COL21A1: variants seen among roughly 807,000 people sequenced by gnomAD.
The protein encoded by COL21A1 is collagen alpha-1(XXI) chain.
Under a neutral mutation model 137.9 loss-of-function variants are expected in COL21A1, and 149 were observed. The observed-to-expected ratio is 1.08, with a 90% CI of 0.95 to 1.24. COL21A1 has a LOEUF of 1.24. Ranked by LOEUF, COL21A1 falls within the 50% of genes most tolerant of loss-of-function variation. The probability of loss-of-function intolerance (pLI) is 0.00; values close to 1 mark genes in which losing one functional copy is unlikely to be tolerated. For missense variants in COL21A1, 1,167 were observed against 1,158.4 expected, an observed-to-expected ratio of 1.01 and a Z score of -0.11; for synonymous variants, 456 against 391.5, an observed-to-expected ratio of 1.16 and a Z score of -1.95.
chr6:56,099,560 C>A (rs948396093), intron 17 of COL21A1, among the ~76,000 whole-genome samples: 4 of 151,838 alleles, frequency 2.6e-5, no homozygotes, highest in African/African-American at 9.7e-5. Flanking sequence ...TATATCCAAG[C>A]TCTCATGTCT....
intron 17 of COL21A1, among the ~76,000 whole-genome samples, chr6:56,084,905 C>T (rs1385143987): frequency 6.6e-6 from 1 of 152,048 alleles, no homozygotes; most frequent in Non-Finnish European, 1.5e-5. Flanking sequence ...CTGTGTAACA[C>T]ATTTGCTAAG....
At chr6:56,153,263 G>T (rs1416544010) in intron 10 of COL21A1, among the ~76,000 whole-genome samples, 1 of 151,964 alleles carries the variant, frequency 6.6e-6, no homozygotes, top group Non-Finnish European at 1.5e-5. Flanking sequence ...AGCCTACTTA[G>T]CTATTTCAGT....
intron 1 of COL21A1, among the ~76,000 whole-genome samples, chr6:56,386,550 G>T (rs554522803): frequency 2.0e-5 from 3 of 151,902 alleles, no homozygotes; most frequent in Non-Finnish European, 4.4e-5. Context: ...CTACCAACAA[G>T]GTATGAGGGT....
At chr6:56,165,430 C>CA (rs1204298678) in intron 7 of COL21A1, among the ~76,000 whole-genome samples, 1 of 152,124 alleles carries the variant, frequency 6.6e-6, no homozygotes, top group African/African-American at 2.4e-5. Flanking sequence ...AGGGAGAATT[C>CA]AAAATCAGCT....
intron 9 of COL21A1, among the ~76,000 whole-genome samples, chr6:56,162,234 TGGATGGAA>T (rs1195843521): frequency 2.6e-5 from 4 of 152,158 alleles, no homozygotes; most frequent in Admixed American, 2.6e-4. Context: ...GAGTCCTAAA[TGGATGGAA>T]GAGTGTGTGT....
intron 1 of COL21A1, among the ~76,000 whole-genome samples, chr6:56,342,096 T>C (rs1765484615): frequency 6.6e-6 from 1 of 152,216 alleles, no homozygotes; most frequent in Non-Finnish European, 1.5e-5. Context: ...ACAAAGTTTG[T>C]ATTTGGTGCT....
chr6:56,146,298 G>A (rs558947239), intron 10 of COL21A1, among the ~76,000 whole-genome samples: 6 of 152,084 alleles, frequency 3.9e-5, no homozygotes, highest in East Asian at 1.9e-4. Flanking sequence ...CACAGCCAAC[G>A]TAACTAGGTA....
At chr6:56,102,565 G>C (rs762066482) in intron 16 of COL21A1, among the ~76,000 whole-genome samples, 32 of 152,148 alleles carry the variant, frequency 2.1e-4, no homozygotes, top group Non-Finnish European at 2.4e-4. Context: ...AAGGGAGAAA[G>C]AGTCTAAGAA....
rs145565993 is a variant in COL21A1, at chr6:56,096,927, T to C, written c.1812+4545A>G. On this transcript the variant is annotated intron_variant, in intron 17 of 29. Coordinates refer to ENST00000244728, the MANE Select transcript of COL21A1 (RefSeq NM_030820.4). ...TGTGTCACAAAATATATAAACTTTA[T>C]GGATTTTTTTTCTATTTTCAAAGCT... Among the ~76,000 whole-genome samples, 3 of 152,320 alleles carry C rather than the reference T, an allele frequency of 2.0e-5. No homozygotes were observed. In the East Asian group the frequency reaches 5.8e-4, roughly 29 times the overall value.
chr6:56,242,445 G>A (rs1187595736), intron 1 of COL21A1, among the ~76,000 whole-genome samples: 2 of 151,842 alleles, frequency 1.3e-5, no homozygotes, highest in African/African-American at 4.8e-5. Flanking sequence ...TTTTCTTCTC[G>A]ACACCAATGA....
chr6:56,059,204 A>G lies in COL21A1; in HGVS notation c.2647T>C (p.Phe883Leu). Reference sequence around the variant, plus strand: ...GGACCTTGTTCTCCAGGATACCCAAACCCTTGGCTCCCTTTTTCCCCATTT... The same window carrying G: ...GGACCTTGTTCTCCAGGATACCCAAGCCCTTGGCTCCCTTTTTCCCCATTT... ...GRNGEKGSQG[F>L]GYPGEQGPPG... The change falls in exon 29 of 30, where the codon TTT (phenylalanine) becomes CTT (leucine). Residue 883 changes from phenylalanine to leucine, a missense_variant. By Grantham distance (22) the Phe-to-Leu change is conservative. Transcript: ENST00000244728. The G allele has an allele frequency of 6.2e-7, 1 of 1,610,164 alleles. No individual in the cohort carries two copies. Among genetic ancestry groups the G allele is most frequent in the Middle Eastern group, 1.7e-4 (1 of 6,034 alleles).
intron 1 of COL21A1, among the ~76,000 whole-genome samples, chr6:56,291,118 T>C (rs1270986985): frequency 6.6e-6 from 1 of 152,200 alleles, no homozygotes; most frequent in Non-Finnish European, 1.5e-5. Context: ...AGCAGTTATC[T>C]GAACAGTGAG....
intron 17 of COL21A1, among the ~76,000 whole-genome samples, chr6:56,097,876 AAT>A (rs1562188335): frequency 1.6e-5 from 1 of 64,306 alleles, no homozygotes; most frequent in African/African-American, 6.4e-5. Context: ...AATATCTATA[AAT>A]ATATAAATAT....
chr6:56,132,866 T>C (rs990720582), intron 12 of COL21A1, among the ~76,000 whole-genome samples: 1 of 152,194 alleles, frequency 6.6e-6, no homozygotes, highest in African/African-American at 2.4e-5. Flanking sequence ...GCTGTTTTCC[T>C]GCTGCCATTC....
intron 1 of COL21A1, among the ~76,000 whole-genome samples, chr6:56,196,799 T>G (rs1388141469): frequency 6.6e-6 from 1 of 152,030 alleles, no homozygotes; most frequent in East Asian, 1.9e-4. Context: ...AAAATGTCCA[T>G]ACCACCCAAA....
chr6:56,211,366 GA>G (rs1780166570), intron 1 of COL21A1, among the ~76,000 whole-genome samples: 1 of 151,570 alleles, frequency 6.6e-6, no homozygotes. Flanking sequence ...AAATGAGTTA[GA>G]AAAAAATTAA....
In COL21A1 at chr6:56,212,555, C is replaced by G. The variant is rs148839089; in HGVS notation, c.-38-29899G>C. ...ATCTTTCTAAACTTGAAACTTTTCC[C>G]TTTCAAGGAAAACAACTAATCATGA... On this transcript the variant is annotated intron_variant, in intron 1 of 29. Coordinates refer to ENST00000244728, the MANE Select transcript of COL21A1 (RefSeq NM_030820.4). 1.3e-3 allele frequency among the ~76,000 whole-genome samples: 203 copies of G among 152,088 alleles called. 8 individuals carry two copies. Among genetic ancestry groups the G allele is most frequent in the Admixed American group, 0.011 (171 of 15,242 alleles).
intron 10 of COL21A1, among the ~76,000 whole-genome samples, chr6:56,152,758 A>AT (rs5876490): frequency 1.3e-5 from 2 of 152,048 alleles, no homozygotes; most frequent in African/African-American, 2.4e-5. Context: ...ATTACCCAGG[A>AT]TTTTTTTATC....
In COL21A1 at chr6:56,074,296, A is replaced by G. The variant is rs1767021200; in HGVS notation, c.1912-11T>C. The G allele has an allele frequency of 1.3e-6, 2 of 1,565,064 alleles. No homozygotes were observed. Among genetic ancestry groups the G allele is most frequent in the Non-Finnish European group, 1.7e-6 (2 of 1,154,764 alleles). On this transcript the variant is annotated splice_polypyrimidine_tract_variant and intron_variant, in intron 19 of 29. Transcript: ENST00000244728. ...GCTTCCCATTAAACCCTACAATTTT[A>G]AAAAGGAATTTCAAGAGTAACTTAG...
Sources: allele counts gnomAD v4.1 joint callset (sites outside exome capture counted in the v4.1 genomes callset), GRCh38; gene constraint gnomAD v4.1.1; transcripts MANE v1.5; gene names NCBI Gene and HGNC (gene_info 2026-07-23, HGNC 2026-07-21).